The following CFH variants were observed in gnomAD, a reference collection of about 807,000 sequenced individuals.
CFH encodes the protein complement factor H, also known as H factor 1 (complement).
Under a neutral mutation model 147.3 loss-of-function variants are expected in CFH, and 53 were observed. The ratio of observed to expected loss-of-function variants is 0.36; its 90% CI spans 0.29 to 0.45. CFH has a LOEUF of 0.45. CFH is among the 20% of genes least tolerant of loss of function. The pLI, the probability that CFH is intolerant of heterozygous loss-of-function variation, is 1.00. For missense variants in CFH, 1,380 were observed against 1,498.0 expected, an observed-to-expected ratio of 0.92 and a Z score of 1.30; for synonymous variants, 536 against 489.4, an observed-to-expected ratio of 1.10 and a Z score of -1.26.
intron 9 of CFH, among the ~76,000 whole-genome samples, chr1:196,696,537 C>T (rs929411485): frequency 2.0e-5 from 3 of 152,144 alleles, no homozygotes; most frequent in Non-Finnish European, 4.4e-5. Flanking sequence ...ACCCTAACAC[C>T]TCAATTAAAA....
chr1:196,723,201 C>G (rs905320920), intron 11 of CFH, among the ~76,000 whole-genome samples: 2 of 152,036 alleles, frequency 1.3e-5, no homozygotes, highest in Non-Finnish European at 2.9e-5. Flanking sequence ...GATGAACTAT[C>G]CCTTCTTATT....
intron 9 of CFH, among the ~76,000 whole-genome samples, chr1:196,711,922 C>CATAGTTTTCACT (rs1248847794): frequency 6.6e-6 from 1 of 152,022 alleles, no homozygotes; most frequent in Non-Finnish European, 1.5e-5. Context: ...ATTTGTAGAG[C>CATAGTTTTCACT]CCTTTCACTC....
intron 15 of CFH, among the ~76,000 whole-genome samples, chr1:196,728,731 A>AT (rs1669208833): frequency 7.2e-6 from 1 of 138,116 alleles, no homozygotes; most frequent in Admixed American, 7.8e-5. Flanking sequence ...ACACACACAC[A>AT]CGCACACACA....
intron 11 of CFH, among the ~76,000 whole-genome samples, chr1:196,718,597 C>T (rs754563286): frequency 5.3e-5 from 8 of 151,958 alleles, no homozygotes; most frequent in South Asian, 2.1e-4. Flanking sequence ...TTAAGAGACT[C>T]ATAAATTTCT....
intron 2 of CFH, 46 bp from the exon 3 acceptor site, chr1:196,673,811 T>A (rs1558154744): frequency 8.7e-7 from 1 of 1,148,524 alleles, no homozygotes; most frequent in Non-Finnish European, 1.3e-6. Context: ...ATAAAATATA[T>A]TCCTTGCTAT....
chr1:196,655,082 T>A (rs965022180), intron 1 of CFH, among the ~76,000 whole-genome samples: 2 of 151,722 alleles, frequency 1.3e-5, no homozygotes, highest in African/African-American at 4.9e-5. Context: ...TTACATGGAA[T>A]GACAAATACA....
intron 3 of CFH, among the ~76,000 whole-genome samples, chr1:196,674,749 G>C (rs1573010814): frequency 6.6e-6 from 1 of 151,976 alleles, no homozygotes; most frequent in Admixed American, 6.6e-5. Flanking sequence ...TTAGTCACTG[G>C]AGTAAGCCTG....
At chr1:196,659,567 A>G (rs970822885) in intron 1 of CFH, among the ~76,000 whole-genome samples, 2 of 152,174 alleles carry the variant, frequency 1.3e-5, no homozygotes, top group Admixed American at 1.3e-4. Context: ...TTCTGCACTC[A>G]TATTTATATG....
intron 1 of CFH, among the ~76,000 whole-genome samples, chr1:196,652,506 T>C (rs1666536679): frequency 6.6e-6 from 1 of 151,898 alleles, no homozygotes; most frequent in East Asian, 1.9e-4. Flanking sequence ...ATAACCAAAA[T>C]GTATTATGTG....
At chr1:196,725,440 T>C in intron 12 of CFH, 143 bp downstream of exon 12, 2 of 737,174 alleles carry the variant, frequency 2.7e-6, no homozygotes, top group Non-Finnish European at 4.6e-6. Context: ...ATGTATTGAG[T>C]ACTGAATACC....
At chr1:196,714,438 T>C (rs1311054745) in intron 10 of CFH, among the ~76,000 whole-genome samples, 1 of 151,054 alleles carries the variant, frequency 6.6e-6, no homozygotes, top group Non-Finnish European at 1.5e-5. Flanking sequence ...GACAAAATAT[T>C]CCTAGATGGT....
At chr1:196,704,322 T>C (rs188627841) in intron 9 of CFH, among the ~76,000 whole-genome samples, 53 of 152,280 alleles carry the variant, frequency 3.5e-4, no homozygotes, top group Admixed American at 2.9e-3. Flanking sequence ...CTTAAACTCC[T>C]GACATGAGGT....
intron 9 of CFH, among the ~76,000 whole-genome samples, chr1:196,710,261 C>G (rs1668694699): frequency 6.6e-6 from 1 of 152,138 alleles, no homozygotes; most frequent in South Asian, 2.1e-4. Flanking sequence ...AGAATCCTCC[C>G]AATTCCTTGT....
At chr1:196,739,102 C>T (rs965931682) in intron 17 of CFH, among the ~76,000 whole-genome samples, 13 of 152,224 alleles carry the variant, frequency 8.5e-5, no homozygotes, top group African/African-American at 3.1e-4. Context: ...GCTGAAGCAG[C>T]TGGGATACAG....
At chr1:196,684,984 C>T (rs1020418435) in intron 6 of CFH, 80 bp from the exon 7 acceptor site, 279 of 1,079,576 alleles carry the variant, frequency 2.6e-4, no homozygotes, top group Non-Finnish European at 3.5e-4. Flanking sequence ...AAATAACACC[C>T]ACTTTTAAAT....
At chr1:196,666,072 G>A (rs746396566) in intron 1 of CFH, among the ~76,000 whole-genome samples, 1 of 152,186 alleles carries the variant, frequency 6.6e-6, no homozygotes, top group Non-Finnish European at 1.5e-5. Context: ...GGAGATTTCA[G>A]GCACTGAAAC....
chr1:196,653,940 A>G (rs548186186), intron 1 of CFH, among the ~76,000 whole-genome samples: 1 of 152,232 alleles, frequency 6.6e-6, no homozygotes, highest in South Asian at 2.1e-4. Flanking sequence ...GCAAAAGCCA[A>G]TGGAGAAAAA....
rs1065489 is a variant in CFH at position 196,740,644 on chromosome 1, G to T, written c.2808G>T (p.Glu936Asp). ...GCCTTCCTTGTAAATCTCCACCTGA[G>T]ATTTCTCATGGTGTTGTAGCTCACA... is the stretch of plus-strand genomic sequence containing the variant. ...CEGLPCKSPP[E>D]ISHGVVAHMS... The change falls in exon 18 of 22, where the codon GAG becomes GAT. Residue 936 changes from glutamate (E) to aspartate (D), a missense_variant. Glu to Asp is a conservative substitution (Grantham distance 45). Around this residue, in one of 4 missense-constraint regions of CFH, gnomAD observed 830 missense variants for 821.4 expected, o/e 1.01. Coordinates refer to ENST00000367429, the MANE Select transcript of CFH (RefSeq NM_000186.4). 0.18 allele frequency: 283,852 copies of T among 1,612,926 alleles called. 29,128 individuals carry two copies. Among genetic ancestry groups the T allele is most frequent in the East Asian group, 0.48 (21,381 of 44,794 alleles).
intron 1 of CFH, among the ~76,000 whole-genome samples, chr1:196,666,926 G>T (rs570296130): frequency 4.0e-5 from 6 of 151,896 alleles, no homozygotes; most frequent in African/African-American, 1.4e-4. Context: ...AATTTTTTGA[G>T]ATTGGTAGAG....
Sources: allele counts gnomAD v4.1 joint callset (sites outside exome capture counted in the v4.1 genomes callset), GRCh38; gene constraint gnomAD v4.1.1; regional missense constraint gnomAD v4.1.1; transcripts MANE v1.5; gene names NCBI Gene and HGNC (gene_info 2026-07-23, HGNC 2026-07-21).